Variants in EYA4 observed in about 807,000 individuals in gnomAD.
EYA4 encodes protein phosphatase EYA4.
EYA4 carries 31 observed loss-of-function variants against 87.9 expected under a neutral mutation model. The observed-to-expected ratio is 0.35, with a 90% CI of 0.27 to 0.48. The LOEUF is 0.48. Ranked by LOEUF, EYA4 falls within the 20% of genes least tolerant of loss-of-function variation. The pLI is 0.99. For missense variants in EYA4, 678 were observed against 761.4 expected (o/e 0.89, Z 1.29); for synonymous variants, 263 against 270.6 (o/e 0.97, Z 0.28).
intron 2 of EYA4, among the ~76,000 whole-genome samples, chr6:133,360,961 G>A (rs771509753): frequency 4.6e-5 from 7 of 152,164 alleles, no homozygotes; most frequent in Admixed American, 6.5e-5. Context: ...ACACAGAAGC[G>A]CTTTAGACTG....
chr6:133,351,582 A>C (rs117878528), intron 2 of EYA4, among the ~76,000 whole-genome samples: 63 of 151,748 alleles, frequency 4.2e-4, no homozygotes, highest in Non-Finnish European at 7.1e-4. Context: ...CTGTAGACAG[A>C]CAGTTGTGAT....
chr6:133,440,945 A>C (rs1032764184), intron 3 of EYA4, among the ~76,000 whole-genome samples: 4 of 152,142 alleles, frequency 2.6e-5, no homozygotes, highest in Admixed American at 6.5e-5. Flanking sequence ...GGCTTTAATA[A>C]AGCATTCTGT....
chr6:133,434,238 G>C (rs1356408213), intron 3 of EYA4, among the ~76,000 whole-genome samples: 1 of 152,190 alleles, frequency 6.6e-6, no homozygotes, highest in Non-Finnish European at 1.5e-5. Flanking sequence ...GTTTAGACTT[G>C]ACCCATGACA....
chr6:133,365,277 T>G (rs1255617022), intron 2 of EYA4, among the ~76,000 whole-genome samples: 1 of 152,210 alleles, frequency 6.6e-6, no homozygotes, highest in Non-Finnish European at 1.5e-5. Flanking sequence ...CCATGTTAGC[T>G]TGCACATAGG....
rs540778816 is a variant in EYA4 at position 133,345,797 on chromosome 6, A to T, written c.34-36595A>T. Among the ~76,000 whole-genome samples the T allele has an allele frequency of 5.3e-5, 8 of 152,332 alleles. No homozygotes were observed. In the East Asian group the frequency reaches 1.3e-3, roughly 26 times the overall value. On this transcript the variant is annotated intron_variant, in intron 2 of 19. Coordinates refer to ENST00000355286, the MANE Select transcript of EYA4 (RefSeq NM_004100.5). ...AGTCTATTCATTAGATTCTCCCTTA[A>T]TTTTAAAGGAAAAGTCTCTTATAAT...
At chr6:133,388,356 G>A (rs1164243537) in intron 3 of EYA4, among the ~76,000 whole-genome samples, 2 of 150,026 alleles carry the variant, frequency 1.3e-5, no homozygotes, top group East Asian at 2.0e-4. Context: ...GCAGTGAGCC[G>A]TAATCATGCC....
intron 3 of EYA4, among the ~76,000 whole-genome samples, chr6:133,386,906 T>C (rs767253953): frequency 5.9e-5 from 9 of 152,208 alleles, no homozygotes; most frequent in Non-Finnish European, 1.3e-4. Flanking sequence ...GATTGACTCT[T>C]CTCCACTTCG....
At chr6:133,526,214 G>A (rs1800621136) in intron 19 of EYA4, among the ~76,000 whole-genome samples, 1 of 152,080 alleles carries the variant, frequency 6.6e-6, no homozygotes, top group Non-Finnish European at 1.5e-5. Flanking sequence ...AGATAAAAGT[G>A]ATAGAATTTA....
At chr6:133,379,133 G>T (rs968131731) in intron 2 of EYA4, among the ~76,000 whole-genome samples, 3 of 152,006 alleles carry the variant, frequency 2.0e-5, no homozygotes, top group Non-Finnish European at 4.4e-5. Context: ...TAAGCCTGGG[G>T]TGATGGTGCA....
chr6:133,505,946 G>A, intron 13 of EYA4, 160 bp from the exon 14 acceptor site: 1 of 628,396 alleles, frequency 1.6e-6, no homozygotes, highest in South Asian at 1.8e-5. Flanking sequence ...TGAACCTTCT[G>A]GAAAGTCACC....
intron 3 of EYA4, among the ~76,000 whole-genome samples, chr6:133,383,324 G>T (rs1786399868): frequency 6.6e-6 from 1 of 151,930 alleles, no homozygotes; most frequent in Non-Finnish European, 1.5e-5. Flanking sequence ...AGACCAGCCT[G>T]GCCAATATGG....
In EYA4 at chr6:133,255,872, G is replaced by T. The variant is rs1775296526; in HGVS notation, c.-66+14123G>T. On this transcript the variant is annotated intron_variant, in intron 1 of 19. Coordinates refer to ENST00000355286, the MANE Select transcript of EYA4 (RefSeq NM_004100.5). ...CTATTACTAAGTATGTTGCACTGATGATTTTTATGTCTCTTCGTACATCTG... is the reference window on the plus strand; with the variant it reads ...CTATTACTAAGTATGTTGCACTGATTATTTTTATGTCTCTTCGTACATCTG... Among the ~76,000 whole-genome samples, 2 of 151,850 alleles carry T rather than the reference G, an allele frequency of 1.3e-5. 1 individual carries two copies. Among genetic ancestry groups the T allele is most frequent in the South Asian group, 4.1e-4 (2 of 4,824 alleles).
chr6:133,409,575 T>G (rs1436187730), intron 3 of EYA4, among the ~76,000 whole-genome samples: 2 of 152,196 alleles, frequency 1.3e-5, no homozygotes, highest in East Asian at 3.8e-4. Flanking sequence ...ATTAAGCTGT[T>G]GAAACATTTC....
intron 1 of EYA4, among the ~76,000 whole-genome samples, chr6:133,251,416 C>G (rs551922464): frequency 5.3e-5 from 8 of 152,100 alleles, no homozygotes; most frequent in African/African-American, 1.9e-4. Flanking sequence ...CCTCTACTTA[C>G]AGAATTTATC....
chr6:133,367,431 T>C (rs1302006008), intron 2 of EYA4, among the ~76,000 whole-genome samples: 1 of 152,248 alleles, frequency 6.6e-6, no homozygotes, highest in Admixed American at 6.5e-5. Context: ...GTGGCAAGAC[T>C]TCTACCAAAC....
chr6:133,402,850 C>A (rs1217181036), intron 3 of EYA4, among the ~76,000 whole-genome samples: 1 of 152,106 alleles, frequency 6.6e-6, no homozygotes, highest in Non-Finnish European at 1.5e-5. Flanking sequence ...TAACAGGGGA[C>A]AAGACCAGTA....
At chr6:133,375,993 A>ACAGTTT (rs1785647788) in intron 2 of EYA4, among the ~76,000 whole-genome samples, 1 of 151,836 alleles carries the variant, frequency 6.6e-6, no homozygotes, top group African/African-American at 2.4e-5. Flanking sequence ...TTGATATACT[A>ACAGTTT]CAGTTTTTTG....
At chr6:133,451,749 T>C (rs926123146) in intron 5 of EYA4, among the ~76,000 whole-genome samples, 1 of 152,102 alleles carries the variant, frequency 6.6e-6, no homozygotes, top group African/African-American at 2.4e-5. Context: ...TGATTCTACA[T>C]GGAGATTAAG....
intron 2 of EYA4, among the ~76,000 whole-genome samples, chr6:133,299,765 A>G (rs1458806414): frequency 2.0e-5 from 3 of 150,124 alleles, no homozygotes; most frequent in Non-Finnish European, 4.4e-5. Flanking sequence ...AAAATAAAAT[A>G]AAAACACTTA....
Sources: gnomAD v4.1 joint callset for allele counts (sites outside exome capture counted in the v4.1 genomes callset) on GRCh38, gnomAD v4.1.1 for gene constraint, MANE v1.5 for transcripts, NCBI Gene and HGNC (gene_info 2026-07-23, HGNC 2026-07-21) for gene names.